Variants in CACNA1D observed in about 807,000 individuals in gnomAD.
CACNA1D encodes the protein calcium voltage-gated channel subunit alpha1 D, also known as voltage-dependent L-type calcium channel subunit alpha-1D.
A neutral mutation model predicts 257.1 loss-of-function variants in CACNA1D; 55 were observed. The observed-to-expected ratio is 0.21, with a 90% CI of 0.17 to 0.27. CACNA1D has a LOEUF of 0.27. CACNA1D is among the 10% of genes least tolerant of loss of function. The pLI, the probability that CACNA1D is intolerant of heterozygous loss-of-function variation, is 1.00. For missense variants in CACNA1D, 1,876 were observed against 2,784.0 expected (o/e 0.67, Z 7.34); for synonymous variants, 980 against 1,014.9 (o/e 0.97, Z 0.65).
intron 3 of CACNA1D, among the ~76,000 whole-genome samples, chr3:53,599,783 C>T (rs1258101001): frequency 6.6e-6 from 1 of 152,134 alleles, no homozygotes; most frequent in Non-Finnish European, 1.5e-5. Context: ...ACTTAGTTTC[C>T]TCTCTGCTCC....
chr3:53,693,360 G>A (rs2094545321), intron 8 of CACNA1D, among the ~76,000 whole-genome samples: 1 of 152,106 alleles, frequency 6.6e-6, no homozygotes, highest in Non-Finnish European at 1.5e-5. Context: ...TCATGGTTGA[G>A]GGAAAAATGG....
At chr3:53,790,733 G>T (rs1346215423) in intron 40 of CACNA1D, among the ~76,000 whole-genome samples, 1 of 152,194 alleles carries the variant, frequency 6.6e-6, no homozygotes, top group African/African-American at 2.4e-5. Flanking sequence ...GTCTTCTTAG[G>T]GAGGCTCAAT....
intron 9 of CACNA1D, among the ~76,000 whole-genome samples, chr3:53,713,722 G>C (rs1027539761): frequency 1.3e-5 from 2 of 152,128 alleles, no homozygotes; most frequent in Non-Finnish European, 2.9e-5. Context: ...ATAACATCTG[G>C]CCCAGTGCAA....
Position 53,673,872 on chromosome 3 carries a change from T to A in CACNA1D, c.1220+746T>A, listed in dbSNP as rs1389314374. On this transcript the variant is annotated intron_variant, in intron 8 of 47. Transcript: ENST00000350061. This position sits in a 1 kb window ranked among gnomAD's most constrained non-coding sequence, Gnocchi z 4.1. Reference sequence around the variant, plus strand: ...CCTGCTGCCACGTGTGAGGCAACTCTGCGTGTCTCCTAGCTGCTCCCTGAC... The same window carrying A: ...CCTGCTGCCACGTGTGAGGCAACTCAGCGTGTCTCCTAGCTGCTCCCTGAC... 2 of 1,072,934 alleles carry A rather than the reference T, an allele frequency of 1.9e-6. No homozygotes were observed. Among genetic ancestry groups the A allele is most frequent in the Non-Finnish European group, 2.9e-6 (2 of 686,022 alleles). The allele number at this position is 1,072,934 out of a possible 1,614,324, so 66.5% of individuals were successfully genotyped here.
intron 3 of CACNA1D, among the ~76,000 whole-genome samples, chr3:53,505,401 G>A (rs575247507): frequency 2.5e-4 from 38 of 152,238 alleles, no homozygotes; most frequent in Admixed American, 8.5e-4. Flanking sequence ...GAGCCACCGC[G>A]CCTGGCCTAT....
At chr3:53,716,959 C>T (rs565961935) in intron 9 of CACNA1D, among the ~76,000 whole-genome samples, 38 of 152,368 alleles carry the variant, frequency 2.5e-4, no homozygotes, top group African/African-American at 8.2e-4. Flanking sequence ...CAGCCCCCTA[C>T]GCGAGCTGCC....
At chr3:53,618,112 G>C (rs1359536951) in intron 3 of CACNA1D, among the ~76,000 whole-genome samples, 2 of 152,162 alleles carry the variant, frequency 1.3e-5, no homozygotes, top group Non-Finnish European at 2.9e-5. Flanking sequence ...GGTTGGACCT[G>C]TAGGGACCCG....
At chr3:53,704,828 G>T (rs1225517863) in intron 9 of CACNA1D, among the ~76,000 whole-genome samples, 1 of 152,214 alleles carries the variant, frequency 6.6e-6, no homozygotes, top group Admixed American at 6.5e-5. Flanking sequence ...GCTGAGTGAG[G>T]CCTTCTTACA....
rs1391199265 is a variant in CACNA1D, at chr3:53,495,589, G to A, written c.67+356G>A. On this transcript the variant is annotated intron_variant, in intron 1 of 47. Coordinates refer to ENST00000350061, the MANE Select transcript of CACNA1D (RefSeq NM_001128840.3). The surrounding 1 kb of genome is among the most constrained non-coding windows in gnomAD (Gnocchi z 5.1). ...GGAGGGCCGCAAGTCTTCAGCCGGA[G>A]CCCCCTTGCCAGCCTCTTCTCGCCT... 1.3e-5 allele frequency among the ~76,000 whole-genome samples: 2 copies of A among 152,128 alleles called. No homozygotes were observed. Among genetic ancestry groups the A allele is most frequent in the African/African-American group, 4.8e-5 (2 of 41,426 alleles).
intron 3 of CACNA1D, among the ~76,000 whole-genome samples, chr3:53,576,923 A>G (rs534023810): frequency 1.3e-5 from 2 of 152,366 alleles, no homozygotes; most frequent in South Asian, 4.1e-4. Flanking sequence ...GCTTTAAATC[A>G]TGTTACCAGT....
At chr3:53,551,146 T>C (rs2092525098) in intron 3 of CACNA1D, among the ~76,000 whole-genome samples, 1 of 152,218 alleles carries the variant, frequency 6.6e-6, no homozygotes, top group Non-Finnish European at 1.5e-5. Context: ...GAAATACATT[T>C]AGGTTGGGCC....
At chr3:53,630,289 A>C (rs2093807917) in intron 3 of CACNA1D, among the ~76,000 whole-genome samples, 1 of 152,252 alleles carries the variant, frequency 6.6e-6, no homozygotes, top group Admixed American at 6.5e-5. Flanking sequence ...ACAAGAACAT[A>C]AAGATACAGA....
At chr3:53,802,028 G>A in intron 42 of CACNA1D, 119 bp from the exon 43 acceptor site, 1 of 882,464 alleles carries the variant, frequency 1.1e-6, no homozygotes, top group Non-Finnish European at 1.9e-6. Context: ...TATGTGGATG[G>A]CGAATCATAA....
intron 3 of CACNA1D, among the ~76,000 whole-genome samples, chr3:53,503,129 A>C (rs2090674130): frequency 1.3e-5 from 2 of 152,306 alleles, no homozygotes; most frequent in South Asian, 4.1e-4. Context: ...TTCAGATGTA[A>C]TGTGATGTCT....
chr3:53,646,858 A>G (rs998850141), intron 3 of CACNA1D, among the ~76,000 whole-genome samples: 8 of 152,220 alleles, frequency 5.3e-5, no homozygotes, highest in African/African-American at 1.7e-4. Flanking sequence ...CACAGCACTA[A>G]TAAGAGGATT....
intron 28 of CACNA1D, among the ~76,000 whole-genome samples, chr3:53,753,071 A>T (rs769264581): frequency 6.6e-6 from 1 of 152,228 alleles, no homozygotes; most frequent in South Asian, 2.1e-4. Context: ...AGTAGGTCTA[A>T]AGATAGGGAT....
intron 3 of CACNA1D, among the ~76,000 whole-genome samples, chr3:53,524,502 T>C (rs2091690996): frequency 1.3e-5 from 2 of 152,168 alleles, no homozygotes; most frequent in African/African-American, 4.8e-5. Context: ...TGCATGAAAA[T>C]CTTAAAAACA....
intron 3 of CACNA1D, among the ~76,000 whole-genome samples, chr3:53,533,592 G>T (rs956125561): frequency 6.6e-6 from 1 of 152,220 alleles, no homozygotes; most frequent in Non-Finnish European, 1.5e-5. Context: ...GCAGACCTGG[G>T]ATTCCCAGAG....
At chr3:53,749,095 G>T (rs1245094679) in intron 26 of CACNA1D, 173 bp from the exon 27 acceptor site, 1 of 703,296 alleles carries the variant, frequency 1.4e-6, no homozygotes, top group African/African-American at 1.7e-5. Flanking sequence ...AGTGCTGGCT[G>T]TTTGGGCCTG....
Sources: gnomAD v4.1 joint callset for allele counts (sites outside exome capture counted in the v4.1 genomes callset) on GRCh38, gnomAD v4.1.1 for gene constraint, Gnocchi (gnomAD v3.1) non-coding constraint, MANE v1.5 for transcripts, NCBI Gene and HGNC (gene_info 2026-07-23, HGNC 2026-07-21) for gene names.